BCL7C: variants seen among roughly 807,000 people sequenced by gnomAD.
The protein encoded by BCL7C is BAF chromatin remodeling complex subunit BCL7C.
In BCL7C, 8 loss-of-function variants were observed where a neutral mutation model predicts 26.2. The ratio of observed to expected loss-of-function variants is 0.30; its 90% CI spans 0.18 to 0.55. The LOEUF (loss-of-function observed/expected upper bound fraction) is 0.55. Among genes scored for constraint, BCL7C ranks in the 20% least tolerant of loss-of-function variants. The probability of loss-of-function intolerance (pLI) is 0.93; values close to 1 mark genes in which losing one functional copy is unlikely to be tolerated. For synonymous variants in BCL7C, 90 were observed against 116.5 expected (o/e 0.77, Z 1.47); for missense variants, 262 against 298.5 (o/e 0.88, Z 0.90).
At chr16:30,858,874 T>A (rs2054746576) in intron 5 of BCL7C, among the ~76,000 whole-genome samples, 1 of 151,962 alleles carries the variant, frequency 6.6e-6, no homozygotes. Context: ...CCTGATAAAA[T>A]CCCTGAGTCC....
chr16:30,835,013 C>A (rs1411376661), exon 6 of BCL7C: 1 of 1,549,122 alleles, frequency 6.5e-7, no homozygotes, highest in Admixed American at 2.0e-5. Context: ...CCCCCGGGAG[C>A]TCTGGTGTCC....
intron 5 of BCL7C, among the ~76,000 whole-genome samples, chr16:30,843,900 C>T (rs1337139075): frequency 2.0e-5 from 3 of 151,734 alleles, no homozygotes; most frequent in Non-Finnish European, 4.4e-5. Flanking sequence ...AATAGCCAGG[C>T]ATTGTGGCAC....
At chr16:30,845,364 C>T (rs538088939) in intron 5 of BCL7C, among the ~76,000 whole-genome samples, 5 of 152,200 alleles carry the variant, frequency 3.3e-5, no homozygotes, top group African/African-American at 7.2e-5. Flanking sequence ...ACTGGGCTCT[C>T]GCTGAGTCTG....
In BCL7C at chr16:30,893,872, T is replaced by C. The variant is rs768783625; in HGVS notation, c.73A>G (p.Ile25Val). The C allele has an allele frequency of 3.7e-6, 6 of 1,602,434 alleles. No individual in the cohort carries two copies. The East Asian group carries it at 1.1e-4, about 30-fold the overall frequency. ...GCTCACCATCTCCGGACCTTCTCGA[T>C]GGTCGCCATCACCTTCTTGATGTCA... ...KDDIKKVMATIEKVRRWEKRW... is the reference protein window; with the variant it reads ...KDDIKKVMATVEKVRRWEKRW... Residue 25 changes from isoleucine to valine, a missense_variant, in exon 1 of 6, where the codon ATC becomes GTC. Physicochemically the swap from Ile to Val is conservative, Grantham distance 29 (BLOSUM62 3). Coordinates refer to ENST00000215115, the MANE Select transcript of BCL7C (RefSeq NM_004765.4). This position sits in a 1 kb window ranked among gnomAD's most constrained non-coding sequence, Gnocchi z 5.2.
At chr16:30,847,554 G>A (rs1397635261) in intron 5 of BCL7C, among the ~76,000 whole-genome samples, 1 of 152,140 alleles carries the variant, frequency 6.6e-6, no homozygotes, top group Non-Finnish European at 1.5e-5. Context: ...TCAGCACTGT[G>A]GGAGACCAAG....
At chr16:30,851,060 T>A (rs1399250998) in intron 5 of BCL7C, among the ~76,000 whole-genome samples, 1 of 152,172 alleles carries the variant, frequency 6.6e-6, no homozygotes, top group Non-Finnish European at 1.5e-5. Flanking sequence ...ATAAGTTTGT[T>A]TATTCCTGTA....
chr16:30,871,162 G>A (rs1480903246), intron 5 of BCL7C, among the ~76,000 whole-genome samples: 1 of 152,140 alleles, frequency 6.6e-6, no homozygotes, highest in African/African-American at 2.4e-5. Flanking sequence ...TCTGGGAAGA[G>A]GAATCCCCAA....
rs1489296388 is a variant in BCL7C at position 30,888,931 on chromosome 16, T to C, written c.457A>G (p.Thr153Ala). Residue 153 changes from threonine to alanine, a missense_variant, in exon 5 of 6, where the codon ACT becomes GCT. Thr to Ala is a moderately conservative substitution (Grantham distance 58). Transcript: ENST00000215115. ...GGGGGTTCGTCGGTGCTGCCAGCAG[T>C]TATGCCCCCGGGATCTGGAACGTCA... Reference protein sequence around the residue: ...LGQERDPGGITAGSTDEPPML... With the variant: ...LGQERDPGGIAAGSTDEPPML... 1.2e-6 allele frequency: 2 copies of C among 1,613,988 alleles called. No homozygotes were observed. Among genetic ancestry groups the C allele is most frequent in the South Asian group, 1.1e-5 (1 of 91,072 alleles).
downstream of BCL7C, among the ~76,000 whole-genome samples, chr16:30,884,289 G>A (rs993423755): frequency 1.3e-5 from 2 of 151,926 alleles, no homozygotes; most frequent in African/African-American, 2.4e-5. Context: ...CACCCTGTCT[G>A]GGGCCAGGCT....
chr16:30,836,471 C>CT (rs762842983), intron 5 of BCL7C, among the ~76,000 whole-genome samples: 3,078 of 116,934 alleles, frequency 0.026, 113 homozygotes, highest in African/African-American at 0.072. Flanking sequence ...GAGACCCTGT[C>CT]TTTTTTTTTT....
At chr16:30,861,385 T>G (rs1161173907) in intron 5 of BCL7C, among the ~76,000 whole-genome samples, 2 of 152,186 alleles carry the variant, frequency 1.3e-5, no homozygotes, top group Non-Finnish European at 2.9e-5. Flanking sequence ...CCTGAACTGC[T>G]GCAGCCAGGC....
At chr16:30,888,329 CAGGCT>C (rs2055168061) in intron 5 of BCL7C, among the ~76,000 whole-genome samples, 1 of 152,050 alleles carries the variant, frequency 6.6e-6, no homozygotes, top group Admixed American at 6.6e-5. Flanking sequence ...ATGATTTTGT[CAGGCT>C]TTATTTATTT....
At chr16:30,879,772 G>A (rs964497032) in intron 5 of BCL7C, among the ~76,000 whole-genome samples, 4 of 150,074 alleles carry the variant, frequency 2.7e-5, no homozygotes, top group Admixed American at 6.7e-5. Context: ...GGCGGATCAC[G>A]AGGTCAGGAG....
chr16:30,884,207 C>A (rs1425032597), downstream of BCL7C, among the ~76,000 whole-genome samples: 2 of 151,486 alleles, frequency 1.3e-5, no homozygotes, highest in Non-Finnish European at 2.9e-5. Flanking sequence ...GTTTCCTAGG[C>A]CCCGTGACCA....
At chr16:30,879,702 A>AAAAAAAAAAAAAAAAAAAAC (rs751856538) in intron 5 of BCL7C, among the ~76,000 whole-genome samples, 8 of 145,362 alleles carry the variant, frequency 5.5e-5, no homozygotes, top group Non-Finnish European at 1.1e-4. Flanking sequence ...AAAAAAAAAA[A>AAAAAAAAAAAAAAAAAAAAC]AAAAAAACTG....
intron 5 of BCL7C, among the ~76,000 whole-genome samples, chr16:30,841,291 T>TA (rs1200519045): frequency 1.3e-5 from 2 of 152,194 alleles, no homozygotes; most frequent in African/African-American, 4.8e-5. Flanking sequence ...GAGGTCCTGA[T>TA]ACCTCAGAAT....
At chr16:30,861,031 A>C (rs2054767412) in intron 5 of BCL7C, among the ~76,000 whole-genome samples, 1 of 152,098 alleles carries the variant, frequency 6.6e-6, no homozygotes, top group South Asian at 2.1e-4. Flanking sequence ...GCTGGAGCTG[A>C]AGGTAGAGTC....
At position 30,893,578 on chromosome 16, in the gene BCL7C, G is replaced by C. The variant is rs1360096894; in HGVS notation, c.92+275C>G. ...CCTGGCCCGGGATCAGAGCCCTGCAGATCCTGGGGCGCACCTGCAGGAGGG... is the reference window on the plus strand; with the variant it reads ...CCTGGCCCGGGATCAGAGCCCTGCACATCCTGGGGCGCACCTGCAGGAGGG... On this transcript the variant is annotated intron_variant, in intron 1 of 5. Coordinates refer to ENST00000215115, the MANE Select transcript of BCL7C (RefSeq NM_004765.4). The surrounding 1 kb of genome is among the most constrained non-coding windows in gnomAD (Gnocchi z 5.2). Among the ~76,000 whole-genome samples the C allele has an allele frequency of 1.3e-5, 2 of 152,046 alleles. No homozygotes were observed. Among genetic ancestry groups the C allele is most frequent in the Non-Finnish European group, 2.9e-5 (2 of 67,986 alleles).
intron 5 of BCL7C, among the ~76,000 whole-genome samples, chr16:30,849,487 T>C (rs1433697994): frequency 6.6e-6 from 1 of 152,334 alleles, no homozygotes; most frequent in African/African-American, 2.4e-5. Flanking sequence ...AGTTTAGCTC[T>C]ATTGCCCAGG....
Sources: allele counts gnomAD v4.1 joint callset (sites outside exome capture counted in the v4.1 genomes callset), GRCh38; gene constraint gnomAD v4.1.1; non-coding constraint Gnocchi (gnomAD v3.1); transcripts MANE v1.5; gene names NCBI Gene and HGNC (gene_info 2026-07-23, HGNC 2026-07-21).